MICAL3: variants seen among roughly 807,000 people sequenced by gnomAD.
MICAL3 encodes microtubule associated monooxygenase, calponin and LIM domain containing 3, also known as [F-actin]-monooxygenase MICAL3.
A neutral mutation model predicts 207.4 loss-of-function variants in MICAL3; 62 were observed. The ratio of observed to expected loss-of-function variants is 0.30; its 90% confidence interval spans 0.24 to 0.37. The LOEUF is 0.37. Among genes scored for constraint, MICAL3 ranks in the 10% least tolerant of loss-of-function variants. The probability of loss-of-function intolerance (pLI) is 1.00; values close to 1 mark genes in which losing one functional copy is unlikely to be tolerated. For missense variants in MICAL3, 2,368 were observed against 2,635.6 expected, an observed-to-expected ratio of 0.90 and a Z score of 2.22; for synonymous variants, 1,077 against 1,069.3, an observed-to-expected ratio of 1.01 and a Z score of -0.14.
intron 2 of MICAL3, 34 bp from the exon 3 acceptor site, chr22:17,904,873 A>G (rs769465453): frequency 5.5e-6 from 8 of 1,467,566 alleles, no homozygotes. Flanking sequence ...GGCAGGCGGC[A>G]CTTCCAACAA....
chr22:17,865,835 G>A, intron 18 of MICAL3, 89 bp downstream of exon 18: 3 of 1,015,502 alleles, frequency 3.0e-6, no homozygotes, highest in East Asian at 4.8e-5. Context: ...AGGACGCAGG[G>A]GCATTTGCAG....
intron 1 of MICAL3, among the ~76,000 whole-genome samples, chr22:17,961,530 G>A (rs1183357880): frequency 6.6e-6 from 1 of 152,034 alleles, no homozygotes; most frequent in East Asian, 1.9e-4. Flanking sequence ...TAAGCGAAGG[G>A]GCACATAGTC....
chr22:17,850,729 T>A (rs1400978516), intron 19 of MICAL3, among the ~76,000 whole-genome samples: 1 of 152,072 alleles, frequency 6.6e-6, no homozygotes, highest in Admixed American at 6.6e-5. Flanking sequence ...TTTTTTACTG[T>A]CAGGTTATTT....
intron 16 of MICAL3, among the ~76,000 whole-genome samples, chr22:17,874,768 T>C (rs1309668394): frequency 1.3e-5 from 2 of 151,968 alleles, no homozygotes; most frequent in Non-Finnish European, 1.5e-5. Flanking sequence ...GCATGGGAAA[T>C]ACCAGTAGGA....
In MICAL3 at chr22:17,851,378, T is replaced by C. The variant is rs1292176751; in HGVS notation, c.2606-9361A>G. ...CCCTTGAAGGGCTTTTATACACGTC[T>C]TTATTAGGGCATCTCTCCCCTTCTG... On this transcript the variant is annotated intron_variant, in intron 19 of 31. Transcript: ENST00000441493. 2.6e-5 allele frequency among the ~76,000 whole-genome samples: 4 copies of C among 152,194 alleles called. No homozygotes were observed. In the East Asian group the frequency reaches 7.7e-4, roughly 29 times the overall value.
At chr22:17,856,543 A>C (rs1225773620) in intron 19 of MICAL3, among the ~76,000 whole-genome samples, 2 of 152,072 alleles carry the variant, frequency 1.3e-5, no homozygotes, top group African/African-American at 4.8e-5. Flanking sequence ...TGAACTGGCC[A>C]AAAGGAAGGC....
rs554711407 is a variant in MICAL3, at chr22:17,951,948, C to T, written c.-74-45062G>A. Among the ~76,000 whole-genome samples, 11 of 152,244 alleles carry T rather than the reference C, an allele frequency of 7.2e-5. No individual in the cohort carries two copies. The South Asian group carries it at 1.2e-3, about 17-fold the overall frequency. ...CTGGCCTCAAGTGATCCGCCCGCCT[C>T]GGCCTCCCAAAGTGCTGGGATTACA... On this transcript the variant is annotated intron_variant, in intron 1 of 31. Transcript: ENST00000441493.
chr22:17,917,331 T>C (rs1040963477), intron 1 of MICAL3, among the ~76,000 whole-genome samples: 9 of 152,186 alleles, frequency 5.9e-5, no homozygotes, highest in Non-Finnish European at 1.3e-4. Flanking sequence ...GTGTTCTGCA[T>C]CTTGGTAAAC....
chr22:17,881,316 C>T (rs183268006), intron 16 of MICAL3: 52 of 1,585,590 alleles, frequency 3.3e-5, no homozygotes, highest in Non-Finnish European at 4.3e-5. Flanking sequence ...TTTACACCAA[C>T]AGACACAAAC....
chr22:17,940,048 A>G (rs1042286481), intron 1 of MICAL3, among the ~76,000 whole-genome samples: 1 of 152,218 alleles, frequency 6.6e-6, no homozygotes, highest in African/African-American at 2.4e-5. Context: ...ACATGCCTTC[A>G]GATCACCAGA....
At chr22:17,974,941 A>G (rs1294846462) in intron 1 of MICAL3, among the ~76,000 whole-genome samples, 1 of 152,202 alleles carries the variant, frequency 6.6e-6, no homozygotes, top group African/African-American at 2.4e-5. Context: ...TCAAGGCTGT[A>G]TGGTTTCTAT....
At chr22:17,924,236 C>T (rs1932862970) in intron 1 of MICAL3, among the ~76,000 whole-genome samples, 1 of 152,164 alleles carries the variant, frequency 6.6e-6, no homozygotes, top group African/African-American at 2.4e-5. Flanking sequence ...CAAAGGACAC[C>T]GTCAGTCCTC....
chr22:17,840,386 C>G (rs1173558020), intron 20 of MICAL3: 2 of 152,216 alleles, frequency 1.3e-5, no homozygotes, highest in Admixed American at 6.5e-5. Flanking sequence ...GCCACTGCGC[C>G]CAGCATGAAT....
In MICAL3 at chr22:17,827,660, C is replaced by A; in HGVS notation, c.3177G>T (p.Glu1059Asp). The A allele has an allele frequency of 6.4e-7, 1 of 1,573,116 alleles. No individual in the cohort carries two copies. The highest frequency in any genetic ancestry group is 8.6e-7 in the Non-Finnish European group (1 of 1,159,568). Residue 1059 changes from glutamate to aspartate, a missense_variant, in exon 22 of 32, where the codon GAG becomes GAT. Coordinates refer to ENST00000441493, the MANE Select transcript of MICAL3 (RefSeq NM_015241.3). ...AGTGTTTACCTCCGGAAGCAGAGGA[C>A]TCAGAGGCCGGCGCCATCCTCTCTT... ...EEEERMAPASESSASGAPLDE... is the reference protein window; with the variant it reads ...EEEERMAPASDSSASGAPLDE...
chr22:18,002,001 C>T (rs1923063331), intron 1 of MICAL3, among the ~76,000 whole-genome samples: 1 of 151,468 alleles, frequency 6.6e-6, no homozygotes, highest in Non-Finnish European at 1.5e-5. Flanking sequence ...AGTTCAAGAC[C>T]AGCCGGGCCA....
At position 17,841,932 on chromosome 22, in the gene MICAL3, G is replaced by A. The variant is rs1466353261; in HGVS notation, c.2691C>T (p.Arg897=). ...TPERIELENY[R]LSLRQAEALQ... ...GTGCCTCAGCCTGCCTCAGGGACAG[G>A]CGGTAGTTCTCCAGCTCGATCCGCT... is the stretch of plus-strand genomic sequence containing the variant. The change falls in exon 20 of 32, where the codon CGC becomes CGT. Residue 897 remains arginine (R), a synonymous_variant. Transcript: ENST00000441493. This position sits in a 1 kb window ranked among gnomAD's most constrained non-coding sequence, Gnocchi z 4.2. The A allele has an allele frequency of 6.2e-7, 1 of 1,602,870 alleles. No homozygotes were observed. The highest frequency in any genetic ancestry group is 1.3e-5 in the African/African-American group (1 of 74,772).
chr22:17,919,150 A>C (rs1027012645), intron 1 of MICAL3, among the ~76,000 whole-genome samples: 4 of 149,852 alleles, frequency 2.7e-5, no homozygotes, highest in African/African-American at 1.0e-4. Flanking sequence ...AGCTCAGTGC[A>C]GCTTCCTCAG....
intron 22 of MICAL3, among the ~76,000 whole-genome samples, chr22:17,823,335 C>G (rs1175174841): frequency 6.6e-6 from 1 of 152,180 alleles, no homozygotes; most frequent in African/African-American, 2.4e-5. Context: ...TCCTCTTCCC[C>G]CAAAGGTTGC....
Position 17,896,863 on chromosome 22 carries a change from A to G in MICAL3, c.1067T>C (p.Phe356Ser). ...STQQQLPSLD[F>S]AINHYGQPDV... Reference sequence around the variant, plus strand: ...GGGCTGCCCATAGTGATTGATGGCAAAATCCAGAGACGGCAGCTGCTGCTG... The same window carrying G: ...GGGCTGCCCATAGTGATTGATGGCAGAATCCAGAGACGGCAGCTGCTGCTG... The change falls in exon 8 of 32, where the codon TTT becomes TCT. Residue 356 changes from phenylalanine (F) to serine (S), a missense_variant. By Grantham distance (155) the Phe-to-Ser change is radical (BLOSUM62 -2). Around this residue, in one of 4 missense-constraint regions of MICAL3, gnomAD observed 400 missense variants for 547.0 expected, o/e 0.73. Transcript: ENST00000441493. The G allele has an allele frequency of 6.2e-7, 1 of 1,614,168 alleles. No homozygotes were observed. The highest frequency in any genetic ancestry group is 8.5e-7 in the Non-Finnish European group (1 of 1,180,026).
Sources: allele counts gnomAD v4.1 joint callset (sites outside exome capture counted in the v4.1 genomes callset), GRCh38; gene constraint gnomAD v4.1.1; regional missense constraint gnomAD v4.1.1; non-coding constraint Gnocchi (gnomAD v3.1); transcripts MANE v1.5; gene names NCBI Gene and HGNC (gene_info 2026-07-23, HGNC 2026-07-21).